KCNIP4: variants seen among roughly 807,000 people sequenced by gnomAD.
KCNIP4 encodes potassium voltage-gated channel interacting protein 4.
Under a neutral mutation model 34.0 loss-of-function variants are expected in KCNIP4, and 12 were observed. That is an observed-to-expected ratio of 0.35 (90% CI 0.23 to 0.57). The LOEUF is 0.57. Ranked by LOEUF, KCNIP4 falls within the 20% of genes least tolerant of loss-of-function variation. KCNIP4 has a pLI of 0.83. For synonymous variants in KCNIP4, 124 were observed against 102.2 expected, an observed-to-expected ratio of 1.21 and a Z score of -1.29; for missense variants, 238 against 311.7, an observed-to-expected ratio of 0.76 and a Z score of 1.78.
At chr4:21,845,975 T>A (rs960951299) in intron 1 of KCNIP4, 1 of 151,970 alleles carries the variant, frequency 6.6e-6, no homozygotes, top group African/African-American at 2.4e-5. Context: ...ATTGCCTCTG[T>A]TTTTTTGTCT....
intron 1 of KCNIP4, among the ~76,000 whole-genome samples, chr4:21,905,601 G>A (rs28374692): frequency 0.31 from 47,479 of 151,722 alleles, 7,806 homozygotes; most frequent in African/African-American, 0.42. Context: ...GCAAACTATC[G>A]CAAGGACAAA....
chr4:21,490,814 T>C lies in KCNIP4; in HGVS notation c.61+457757A>G, dbSNP rs75408994. ...TGAGTTTCCCATGAAGCTTTACAGA[T>C]GCATAGAGGATGCAGGAAAAGTAGA... On this transcript the variant is annotated intron_variant, in intron 1 of 8. Coordinates refer to ENST00000382152, the MANE Select transcript of KCNIP4 (RefSeq NM_025221.6). 8.7e-3 allele frequency among the ~76,000 whole-genome samples: 1,321 copies of C among 152,274 alleles called. 10 individuals are homozygous for C. Among genetic ancestry groups the C allele is most frequent in the Middle Eastern group, 0.024 (7 of 294 alleles).
At chr4:21,814,871 C>T (rs1290093288) in intron 1 of KCNIP4, among the ~76,000 whole-genome samples, 1 of 152,260 alleles carries the variant, frequency 6.6e-6, no homozygotes, top group Non-Finnish European at 1.5e-5. Context: ...ATGACAGAAA[C>T]AATTAAAATT....
intron 3 of KCNIP4, among the ~76,000 whole-genome samples, chr4:20,774,820 A>T (rs1756235135): frequency 6.6e-6 from 1 of 152,190 alleles, no homozygotes; most frequent in Non-Finnish European, 1.5e-5. Context: ...GTGCCTGGGG[A>T]GTGTGGTCTG....
intron 1 of KCNIP4, among the ~76,000 whole-genome samples, chr4:21,533,566 T>C (rs1014862608): frequency 6.6e-6 from 1 of 152,166 alleles, no homozygotes. Flanking sequence ...CAAGGATACC[T>C]TTCTGGAGAA....
chr4:21,501,698 G>A (rs796938434), intron 1 of KCNIP4, among the ~76,000 whole-genome samples: 2 of 144,930 alleles, frequency 1.4e-5, no homozygotes, highest in East Asian at 2.5e-4. Flanking sequence ...TTGTGTGTGT[G>A]TGTGTGTGTG....
At chr4:21,611,661 G>C (rs1315036287) in intron 1 of KCNIP4, among the ~76,000 whole-genome samples, 1 of 151,788 alleles carries the variant, frequency 6.6e-6, no homozygotes, top group Non-Finnish European at 1.5e-5. Context: ...GTTTGTTTTT[G>C]TTTTTGTTTT....
At chr4:20,819,753 T>C (rs1301869876) in intron 3 of KCNIP4, among the ~76,000 whole-genome samples, 1 of 152,208 alleles carries the variant, frequency 6.6e-6, no homozygotes, top group Non-Finnish European at 1.5e-5. Flanking sequence ...GGAAGCACTC[T>C]AGGACCTTCA....
chr4:21,391,061 C>A (rs533591554), intron 1 of KCNIP4, among the ~76,000 whole-genome samples: 1 of 152,052 alleles, frequency 6.6e-6, no homozygotes, highest in Non-Finnish European at 1.5e-5. Flanking sequence ...TTCTTGACAG[C>A]AGATCATGTT....
At chr4:21,248,096 A>G (rs11943777) in intron 1 of KCNIP4, among the ~76,000 whole-genome samples, 33,952 of 149,920 alleles carry the variant, frequency 0.23, 6,203 homozygotes, top group African/African-American at 0.5. Context: ...CAGCATGAGT[A>G]CACATGCAAT....
chr4:20,821,395 G>A (rs1191245396), intron 3 of KCNIP4, among the ~76,000 whole-genome samples: 2 of 152,114 alleles, frequency 1.3e-5, no homozygotes, highest in Non-Finnish European at 2.9e-5. Context: ...ATTCACAGCT[G>A]GACAACAATT....
intron 1 of KCNIP4, among the ~76,000 whole-genome samples, chr4:21,578,799 A>G (rs1740958112): frequency 1.3e-5 from 2 of 152,180 alleles, no homozygotes. Context: ...TTTTCTGAGC[A>G]TGAAGGTCAT....
At chr4:21,345,714 G>T (rs1872456) in intron 1 of KCNIP4, among the ~76,000 whole-genome samples, 1 of 151,980 alleles carries the variant, frequency 6.6e-6, no homozygotes, top group East Asian at 1.9e-4. Context: ...TGCTGAACTT[G>T]TTCCCATTTT....
intron 1 of KCNIP4, among the ~76,000 whole-genome samples, chr4:21,838,530 G>A (rs762092869): frequency 1.3e-5 from 2 of 152,094 alleles, no homozygotes; most frequent in African/African-American, 2.4e-5. Flanking sequence ...ATGTATTCTG[G>A]TTACCCGTTG....
chr4:21,656,215 C>T (rs1319139490), intron 1 of KCNIP4, among the ~76,000 whole-genome samples: 1 of 152,104 alleles, frequency 6.6e-6, no homozygotes, highest in African/African-American at 2.4e-5. Flanking sequence ...CAAAGCAACA[C>T]CCCATATCTC....
chr4:21,527,749 G>A (rs187889262), intron 1 of KCNIP4, among the ~76,000 whole-genome samples: 40 of 152,206 alleles, frequency 2.6e-4, no homozygotes, highest in Middle Eastern at 3.4e-3. Flanking sequence ...GTATAATCAC[G>A]AAAAGGAAAA....
At chr4:21,452,824 A>G (rs904152444) in intron 1 of KCNIP4, among the ~76,000 whole-genome samples, 2 of 147,362 alleles carry the variant, frequency 1.4e-5, no homozygotes, top group African/African-American at 4.9e-5. Flanking sequence ...CCTTTTTGAA[A>G]AAGTCCTTCA....
chr4:21,702,178 G>A (rs1304106517), intron 1 of KCNIP4, among the ~76,000 whole-genome samples: 1 of 152,104 alleles, frequency 6.6e-6, no homozygotes, highest in Non-Finnish European at 1.5e-5. Flanking sequence ...CAAGATCGAG[G>A]TGCCAGAATA....
intron 1 of KCNIP4, among the ~76,000 whole-genome samples, chr4:20,939,953 C>T (rs1416551262): frequency 2.0e-5 from 3 of 152,186 alleles, no homozygotes; most frequent in Admixed American, 6.5e-5. Flanking sequence ...GAGCCTTATT[C>T]TTCTCATATG....
Sources: gnomAD v4.1 joint callset for allele counts (sites outside exome capture counted in the v4.1 genomes callset) on GRCh38, gnomAD v4.1.1 for gene constraint, MANE v1.5 for transcripts, NCBI Gene and HGNC (gene_info 2026-07-23, HGNC 2026-07-21) for gene names.